The following ANO4 variants were observed in gnomAD, a reference collection of about 807,000 sequenced individuals.
ANO4 encodes the protein anoctamin-4.
Under a neutral mutation model 141.9 loss-of-function variants are expected in ANO4, and 69 were observed. The observed-to-expected ratio is 0.49, with a 90% CI of 0.40 to 0.59. ANO4 has a LOEUF of 0.59. Ranked by LOEUF, ANO4 falls within the 20% of genes least tolerant of loss-of-function variation. The pLI is 0.00. For synonymous variants in ANO4, 350 were observed against 394.3 expected (o/e 0.89, Z 1.33); for missense variants, 894 against 1,162.2 (o/e 0.77, Z 3.36).
intron 1 of ANO4, chr12:100,733,698 C>T: frequency 1.6e-6 from 1 of 640,418 alleles, no homozygotes; most frequent in Non-Finnish European, 2.8e-6. Flanking sequence ...TATTTACCAC[C>T]AGTCATATAT....
chr12:100,956,926 C>T (rs2043196289), intron 5 of ANO4, among the ~76,000 whole-genome samples: 1 of 152,170 alleles, frequency 6.6e-6, no homozygotes, highest in African/African-American at 2.4e-5. Flanking sequence ...TTGTCATTTC[C>T]TTTTTTTCTC....
chr12:100,733,376 CT>C (rs2031466696), intron 1 of ANO4, among the ~76,000 whole-genome samples: 1 of 152,126 alleles, frequency 6.6e-6, no homozygotes. Context: ...TAGTACTCAC[CT>C]TTTAGGTTTT....
intron 20 of ANO4, 52 bp downstream of exon 20, chr12:101,097,760 C>T: frequency 6.2e-7 from 1 of 1,606,982 alleles, no homozygotes; most frequent in Non-Finnish European, 8.5e-7. Flanking sequence ...ATTAAACAGC[C>T]TTAGGGCAAC....
At chr12:101,108,355 G>A (rs977583763) in intron 22 of ANO4, among the ~76,000 whole-genome samples, 6 of 152,144 alleles carry the variant, frequency 3.9e-5, no homozygotes, top group African/African-American at 1.4e-4. Context: ...CCAAGATGAG[G>A]TAGATGGACT....
At chr12:100,842,456 C>T (rs1042297325) in intron 1 of ANO4, among the ~76,000 whole-genome samples, 1 of 151,816 alleles carries the variant, frequency 6.6e-6, no homozygotes, top group African/African-American at 2.4e-5. Flanking sequence ...TTTAGAGGCT[C>T]ATTCCTTTCT....
chr12:100,754,104 G>C (rs180691237), intron 3 of ANO4, among the ~76,000 whole-genome samples: 2 of 152,338 alleles, frequency 1.3e-5, no homozygotes, highest in East Asian at 1.9e-4. Context: ...TCTATGCTAA[G>C]AACTGGGGAT....
chr12:100,914,532 TA>T (rs1320155567), intron 2 of ANO4, among the ~76,000 whole-genome samples: 1 of 152,232 alleles, frequency 6.6e-6, no homozygotes, highest in Admixed American at 6.5e-5. Flanking sequence ...ATGACATGAA[TA>T]TTTTTTGCAC....
intron 16 of ANO4, 127 bp downstream of exon 16, chr12:101,083,945 T>C (rs1323780803): frequency 1.1e-6 from 1 of 889,890 alleles, no homozygotes; most frequent in East Asian, 3.0e-5. Flanking sequence ...TTCCTCACAG[T>C]AACTTCGTCT....
At chr12:100,979,570 T>C (rs183327199) in intron 7 of ANO4, among the ~76,000 whole-genome samples, 1 of 152,082 alleles carries the variant, frequency 6.6e-6, no homozygotes, top group African/African-American at 2.4e-5. Flanking sequence ...ATAAGTTTCA[T>C]GGTAGAGGAA....
At chr12:100,929,717 T>C (rs978729681) in intron 3 of ANO4, among the ~76,000 whole-genome samples, 2 of 152,192 alleles carry the variant, frequency 1.3e-5, no homozygotes, top group Non-Finnish European at 2.9e-5. Flanking sequence ...TGTACTGATT[T>C]ACATTCCCAC....
rs188456695 is a variant in ANO4, at chr12:100,868,556, T to A, written c.-140-33090T>A. On this transcript the variant is annotated intron_variant, in intron 1 of 27. Coordinates refer to ENST00000392977, the MANE Select transcript of ANO4 (RefSeq NM_001286615.2). ...CCGCCAACCAGTTGGTCTCCCTTAC[T>A]CTTGGGTTCCTTTATCTCCATTGAT... 4.6e-3 allele frequency among the ~76,000 whole-genome samples: 702 copies of A among 152,302 alleles called. 4 individuals carry two copies. Among genetic ancestry groups the A allele is most frequent in the Non-Finnish European group, 8.0e-3 (546 of 68,024 alleles).
At chr12:100,732,062 G>A (rs974563324) in intron 1 of ANO4, among the ~76,000 whole-genome samples, 2 of 152,190 alleles carry the variant, frequency 1.3e-5, no homozygotes, top group African/African-American at 4.8e-5. Flanking sequence ...GTAGGTTTTT[G>A]GATGGGCGTA....
chr12:101,003,965 T>C (rs767496780), intron 8 of ANO4, among the ~76,000 whole-genome samples: 1 of 152,006 alleles, frequency 6.6e-6, no homozygotes, highest in African/African-American at 2.4e-5. Flanking sequence ...ATCTTTATAC[T>C]TGGGTGATAT....
At chr12:101,107,281 T>C (rs1232638296) in intron 22 of ANO4, among the ~76,000 whole-genome samples, 1 of 152,160 alleles carries the variant, frequency 6.6e-6, no homozygotes, top group Non-Finnish European at 1.5e-5. Context: ...ACCTGACAAG[T>C]CCTTCCCATA....
At chr12:100,829,447 A>G (rs1913595) in intron 1 of ANO4, among the ~76,000 whole-genome samples, 16,572 of 152,076 alleles carry the variant, frequency 0.11, 1,044 homozygotes, top group South Asian at 0.17. Context: ...TTTCATGTCA[A>G]TATTTTTAAC....
chr12:100,915,485 T>C (rs142049523), intron 2 of ANO4, among the ~76,000 whole-genome samples: 1 of 152,204 alleles, frequency 6.6e-6, no homozygotes, highest in African/African-American at 2.4e-5. Flanking sequence ...AAGTCTGTTT[T>C]ACACACTCCC....
intron 5 of ANO4, among the ~76,000 whole-genome samples, chr12:100,956,299 G>A (rs945213050): frequency 1.8e-4 from 27 of 152,196 alleles, no homozygotes; most frequent in Admixed American, 1.8e-3. Flanking sequence ...AGAAGGTGGT[G>A]TTACTGCTCA....
At chr12:101,126,483 C>G (rs1163921607) in intron 26 of ANO4, among the ~76,000 whole-genome samples, 1 of 152,050 alleles carries the variant, frequency 6.6e-6, no homozygotes, top group African/African-American at 2.4e-5. Flanking sequence ...TCTCATAATT[C>G]TCACAATACT....
exon 2 of ANO4, chr12:100,733,834 G>C: frequency 1.4e-6 from 1 of 702,198 alleles, no homozygotes. Context: ...AGCTACTACA[G>C]TTGTGTCAGC....
Sources: allele counts gnomAD v4.1 joint callset (sites outside exome capture counted in the v4.1 genomes callset), GRCh38; gene constraint gnomAD v4.1.1; transcripts MANE v1.5; gene names NCBI Gene and HGNC (gene_info 2026-07-23, HGNC 2026-07-21).